MSRB3: variants seen among roughly 807,000 people sequenced by gnomAD.
MSRB3 encodes methionine sulfoxide reductase B3, also known as methionine-R-sulfoxide reductase B3.
A neutral mutation model predicts 21.0 loss-of-function variants in MSRB3; 13 were observed. The ratio of observed to expected loss-of-function variants is 0.62; its 90% CI spans 0.40 to 0.98. MSRB3 has a LOEUF of 0.98. Ranked by LOEUF, MSRB3 falls within the 50% of genes least tolerant of loss-of-function variation. MSRB3 has a pLI of 0.00. For missense variants in MSRB3, 199 were observed against 230.3 expected (o/e 0.86, Z 0.88); for synonymous variants, 87 against 88.6 (o/e 0.98, Z 0.10).
At chr12:65,387,310 CTG>C (rs1236227752) in intron 5 of MSRB3, among the ~76,000 whole-genome samples, 1 of 152,102 alleles carries the variant, frequency 6.6e-6, no homozygotes, top group Non-Finnish European at 1.5e-5. Flanking sequence ...CCTTTCACCA[CTG>C]TGTGTAGTAT....
intron 5 of MSRB3, among the ~76,000 whole-genome samples, chr12:65,379,551 T>A (rs1878828027): frequency 6.6e-6 from 1 of 152,154 alleles, no homozygotes; most frequent in African/African-American, 2.4e-5. Context: ...AGGTAACCAC[T>A]CTTCTGACTT....
At chr12:65,381,629 G>C (rs945952749) in intron 5 of MSRB3, among the ~76,000 whole-genome samples, 1 of 151,920 alleles carries the variant, frequency 6.6e-6, no homozygotes, top group Non-Finnish European at 1.5e-5. Context: ...CTTATGTCTT[G>C]ATAAATTTTT....
intron 4 of MSRB3, among the ~76,000 whole-genome samples, chr12:65,351,367 T>G (rs1187661081): frequency 7.1e-6 from 1 of 141,252 alleles, no homozygotes; most frequent in Admixed American, 6.9e-5. Flanking sequence ...GCAGGAAAGA[T>G]CCAAAATTGA....
At chr12:65,455,826 C>T (rs757161119) in intron 6 of MSRB3, among the ~76,000 whole-genome samples, 30 of 152,008 alleles carry the variant, frequency 2.0e-4, no homozygotes, top group Non-Finnish European at 3.7e-4. Context: ...AACCTCCACC[C>T]GCCGAGCTCA....
At position 65,465,262 on chromosome 12, in the gene MSRB3, A is replaced by G. The variant is rs893453058; in HGVS notation, c.*1940A>G. 2 of 152,214 alleles carry G rather than the reference A, an allele frequency of 1.3e-5. No individual in the cohort carries two copies. Among genetic ancestry groups the G allele is most frequent in the African/African-American group, 4.8e-5 (2 of 41,466 alleles). 9.4% of individuals were successfully genotyped at this position (152,214 alleles called of 1,614,324 possible). On this transcript the variant is annotated 3_prime_UTR_variant, in exon 7 of 7. Transcript: ENST00000308259. ...GTTTTCACAAGTATAAACAATGGTGATGTAAGTCAACATTGCTGTAGCCAG... is the reference window on the plus strand; with the variant it reads ...GTTTTCACAAGTATAAACAATGGTGGTGTAAGTCAACATTGCTGTAGCCAG...
chr12:65,330,198 C>G (rs1875319011), intron 4 of MSRB3, among the ~76,000 whole-genome samples: 1 of 152,120 alleles, frequency 6.6e-6, no homozygotes, highest in Non-Finnish European at 1.5e-5. Flanking sequence ...AGAAACAGAA[C>G]CACTGTAAAT....
intron 4 of MSRB3, among the ~76,000 whole-genome samples, chr12:65,352,902 C>T (rs1258796719): frequency 6.6e-6 from 1 of 151,452 alleles, no homozygotes; most frequent in East Asian, 1.9e-4. Flanking sequence ...AGGTAATTTA[C>T]AGATTCAATG....
chr12:65,411,469 C>T (rs1336677601), intron 5 of MSRB3, among the ~76,000 whole-genome samples: 2 of 152,114 alleles, frequency 1.3e-5, no homozygotes, highest in South Asian at 2.1e-4. Flanking sequence ...TAAAACCTCA[C>T]AAGTAGAAAG....
At chr12:65,296,318 A>G (rs1412032443) in intron 1 of MSRB3, among the ~76,000 whole-genome samples, 2 of 152,074 alleles carry the variant, frequency 1.3e-5, no homozygotes, top group African/African-American at 2.4e-5. Flanking sequence ...TGCATGCACC[A>G]CAGCCACACA....
intron 1 of MSRB3, among the ~76,000 whole-genome samples, chr12:65,287,672 C>T (rs780549893): frequency 2.9e-4 from 44 of 152,238 alleles, no homozygotes; most frequent in Middle Eastern, 3.4e-3. Context: ...GGAAAAAGTG[C>T]ACTGTAGTCC....
At chr12:65,389,237 G>T (rs12305134) in intron 5 of MSRB3, among the ~76,000 whole-genome samples, 2,221 of 152,182 alleles carry the variant, frequency 0.015, 50 homozygotes, top group African/African-American at 0.05. Flanking sequence ...TATCCTCACA[G>T]TCATTTCTAC....
intron 4 of MSRB3, among the ~76,000 whole-genome samples, chr12:65,346,661 A>G (rs1427085171): frequency 6.6e-6 from 1 of 152,144 alleles, no homozygotes; most frequent in Admixed American, 6.6e-5. Context: ...GTCCTTGCCC[A>G]TGCCTATGTC....
chr12:65,344,100 G>A (rs986407760), intron 4 of MSRB3: 2 of 151,992 alleles, frequency 1.3e-5, no homozygotes. Context: ...TTTTGTAAGT[G>A]GAAAAAACAC....
intron 4 of MSRB3, among the ~76,000 whole-genome samples, chr12:65,346,006 C>G (rs572390930): frequency 3.3e-5 from 5 of 152,212 alleles, no homozygotes; most frequent in Admixed American, 3.3e-4. Context: ...TGGGTTGGTT[C>G]CAAGTCTTTG....
intron 2 of MSRB3, among the ~76,000 whole-genome samples, chr12:65,311,185 C>G (rs994155324): frequency 2.0e-5 from 3 of 152,068 alleles, no homozygotes; most frequent in Non-Finnish European, 4.4e-5. Context: ...CTTTATTTTA[C>G]TTATGCACCC....
chr12:65,409,738 AAG>A (rs1413684751), intron 5 of MSRB3, among the ~76,000 whole-genome samples: 5 of 152,190 alleles, frequency 3.3e-5, no homozygotes, highest in East Asian at 1.9e-4. Flanking sequence ...CCATATTATC[AAG>A]AGTTATCTAG....
At chr12:65,393,205 T>A (rs1429421112) in intron 5 of MSRB3, among the ~76,000 whole-genome samples, 2 of 152,220 alleles carry the variant, frequency 1.3e-5, no homozygotes, top group Non-Finnish European at 2.9e-5. Context: ...TGACCATATT[T>A]GTCACTTAAA....
intron 5 of MSRB3, among the ~76,000 whole-genome samples, chr12:65,405,880 A>G (rs1880388397): frequency 6.6e-6 from 1 of 152,086 alleles, no homozygotes; most frequent in Non-Finnish European, 1.5e-5. Flanking sequence ...TTGTATGTCT[A>G]CATTTGAGAA....
intron 1 of MSRB3, among the ~76,000 whole-genome samples, chr12:65,299,874 CATAGGTTGTCT>C (rs1873205340): frequency 6.6e-6 from 1 of 152,112 alleles, no homozygotes; most frequent in Admixed American, 6.5e-5. Context: ...AATATTTGTC[CATAGGTTGTCT>C]CTAAAAGCTT....
Sources: gnomAD v4.1 joint callset for allele counts (sites outside exome capture counted in the v4.1 genomes callset) on GRCh38, gnomAD v4.1.1 for gene constraint, MANE v1.5 for transcripts, NCBI Gene and HGNC (gene_info 2026-07-23, HGNC 2026-07-21) for gene names.